The following UST variants were observed in gnomAD, a reference collection of about 807,000 sequenced individuals.
UST encodes the protein uronyl 2-sulfotransferase.
A neutral mutation model predicts 45.6 loss-of-function variants in UST; 21 were observed. That is an observed-to-expected ratio of 0.46 (90% CI 0.33 to 0.66). The LOEUF (loss-of-function observed/expected upper bound fraction) is 0.66. UST is among the 30% of genes least tolerant of loss of function. The probability of loss-of-function intolerance (pLI) is 0.02; values close to 1 mark genes in which losing one functional copy is unlikely to be tolerated. For missense variants in UST, 463 were observed against 512.4 expected (o/e 0.90, Z 0.93); for synonymous variants, 215 against 200.6 (o/e 1.07, Z -0.61).
intron 1 of UST, among the ~76,000 whole-genome samples, chr6:148,749,718 A>C (rs1038226842): frequency 6.6e-6 from 1 of 152,202 alleles, no homozygotes; most frequent in African/African-American, 2.4e-5. Flanking sequence ...ATTTCCAAAC[A>C]ATGAGGCCTA....
chr6:148,997,800 T>C (rs1246143692), intron 5 of UST, among the ~76,000 whole-genome samples: 1 of 152,230 alleles, frequency 6.6e-6, no homozygotes, highest in East Asian at 1.9e-4. Context: ...ACTAGGATCT[T>C]GAGAAACCGA....
At chr6:148,806,078 C>T (rs563427942) in intron 1 of UST, among the ~76,000 whole-genome samples, 7 of 122,856 alleles carry the variant, frequency 5.7e-5, no homozygotes, top group African/African-American at 1.1e-4. Context: ...ATCAAAGGGA[C>T]GCTTTTTTTT....
chr6:148,779,833 G>A (rs184911190), intron 1 of UST, among the ~76,000 whole-genome samples: 1 of 152,174 alleles, frequency 6.6e-6, no homozygotes, highest in Admixed American at 6.5e-5. Flanking sequence ...AATCCTTTTC[G>A]ATTCTGTTTA....
At chr6:148,854,405 A>G (rs920351203) in intron 1 of UST, among the ~76,000 whole-genome samples, 3 of 152,246 alleles carry the variant, frequency 2.0e-5, no homozygotes, top group Non-Finnish European at 4.4e-5. Context: ...CCCACAGAAG[A>G]TCTTAACTAC....
At chr6:148,767,878 A>C (rs905317846) in intron 1 of UST, among the ~76,000 whole-genome samples, 1 of 152,174 alleles carries the variant, frequency 6.6e-6, no homozygotes, top group Non-Finnish European at 1.5e-5. Flanking sequence ...ATGGTGGCAG[A>C]GTGGCCTGTG....
chr6:148,901,742 G>A (rs561325409), intron 2 of UST, among the ~76,000 whole-genome samples: 1 of 152,168 alleles, frequency 6.6e-6, no homozygotes, highest in African/African-American at 2.4e-5. Flanking sequence ...ATTTTTAGTA[G>A]AGATGGGGGT....
chr6:148,760,789 T>C (rs1410467534), intron 1 of UST, among the ~76,000 whole-genome samples: 1 of 151,898 alleles, frequency 6.6e-6, no homozygotes, highest in Non-Finnish European at 1.5e-5. Context: ...TGCAGGTCTT[T>C]AAAAGTTCAG....
chr6:148,804,546 G>C (rs891535458), intron 1 of UST, among the ~76,000 whole-genome samples: 2 of 152,162 alleles, frequency 1.3e-5, no homozygotes, highest in Non-Finnish European at 2.9e-5. Context: ...CACCATGTAC[G>C]TGCCATCCTT....
intron 1 of UST, among the ~76,000 whole-genome samples, chr6:148,762,607 T>C (rs1776243014): frequency 6.6e-6 from 1 of 151,144 alleles, no homozygotes; most frequent in South Asian, 2.1e-4. Flanking sequence ...TGCATAATGG[T>C]GAGGTTTGGG....
chr6:148,835,009 T>G (rs2114764154), intron 1 of UST, among the ~76,000 whole-genome samples: 1 of 152,310 alleles, frequency 6.6e-6, no homozygotes, highest in Admixed American at 6.5e-5. Flanking sequence ...ACTTGAAAAC[T>G]TTTTATTGAA....
At chr6:148,868,895 A>C (rs984670684) in intron 1 of UST, among the ~76,000 whole-genome samples, 5 of 152,182 alleles carry the variant, frequency 3.3e-5, no homozygotes, top group Admixed American at 2.0e-4. Context: ...TTTAAATATA[A>C]TCGTAAGAGT....
intron 1 of UST, among the ~76,000 whole-genome samples, chr6:148,797,350 A>G (rs1776972255): frequency 6.6e-6 from 1 of 152,234 alleles, no homozygotes; most frequent in African/African-American, 2.4e-5. Flanking sequence ...ACAACAAAAT[A>G]ATAGAAAGCA....
At chr6:148,847,281 C>G (rs532564223) in intron 1 of UST, among the ~76,000 whole-genome samples, 1 of 152,318 alleles carries the variant, frequency 6.6e-6, no homozygotes, top group South Asian at 2.1e-4. Context: ...AAAGTGTCAG[C>G]TGGGGCTGTG....
chr6:148,884,705 A>G (rs1778881758), intron 1 of UST, among the ~76,000 whole-genome samples: 1 of 152,140 alleles, frequency 6.6e-6, no homozygotes, highest in African/African-American at 2.4e-5. Context: ...CTAGTAGATA[A>G]GGCTGAACGA....
chr6:148,879,726 T>G (rs1323463255), intron 1 of UST, among the ~76,000 whole-genome samples: 1 of 152,174 alleles, frequency 6.6e-6, no homozygotes, highest in Middle Eastern at 3.2e-3. Flanking sequence ...TGTGCTGGTG[T>G]TGTTCTGAGC....
chr6:148,967,999 ACT>A (rs902967427), intron 5 of UST, among the ~76,000 whole-genome samples: 6 of 151,868 alleles, frequency 4.0e-5, no homozygotes, highest in African/African-American at 1.5e-4. Flanking sequence ...GAGGATGAGG[ACT>A]CTCTCATTTT....
At chr6:148,843,080 C>T (rs968983532) in intron 1 of UST, among the ~76,000 whole-genome samples, 25 of 152,180 alleles carry the variant, frequency 1.6e-4, no homozygotes, top group African/African-American at 5.5e-4. Flanking sequence ...AGGAAAGCAA[C>T]GTCTATCAAG....
At chr6:148,860,221 C>T (rs973425659) in intron 1 of UST, among the ~76,000 whole-genome samples, 3 of 152,050 alleles carry the variant, frequency 2.0e-5, no homozygotes, top group South Asian at 2.1e-4. Context: ...ATCACTTGTA[C>T]GTTGGATTCC....
chr6:148,928,061 G>A (rs1779850549), intron 2 of UST, among the ~76,000 whole-genome samples: 1 of 152,170 alleles, frequency 6.6e-6, no homozygotes, highest in South Asian at 2.1e-4. Flanking sequence ...GCACTACAAT[G>A]ACATAGGTTG....
Sources: allele counts gnomAD v4.1 joint callset (sites outside exome capture counted in the v4.1 genomes callset), GRCh38; gene constraint gnomAD v4.1.1; transcripts MANE v1.5; gene names NCBI Gene and HGNC (gene_info 2026-07-23, HGNC 2026-07-21).